The following NF1 variants were observed in gnomAD, a reference collection of about 807,000 sequenced individuals.
The protein encoded by NF1 is neurofibromin.
In NF1, 122 loss-of-function variants were observed where a neutral mutation model predicts 325.7. The observed-to-expected ratio is 0.37, with a 90% CI of 0.32 to 0.44. NF1 has a LOEUF of 0.44. Among genes scored for constraint, NF1 ranks in the 20% least tolerant of loss-of-function variants. The pLI is 1.00. For missense variants in NF1, 2,140 were observed against 3,415.4 expected, an observed-to-expected ratio of 0.63 and a Z score of 9.31; for synonymous variants, 1,091 against 1,186.0, an observed-to-expected ratio of 0.92 and a Z score of 1.65.
chr17:31,152,598 A>G (rs974898906), intron 1 of NF1, among the ~76,000 whole-genome samples: 6 of 128,424 alleles, frequency 4.7e-5, no homozygotes, highest in Admixed American at 4.6e-4. Flanking sequence ...GTGTTAATTT[A>G]CTCTTATGTA....
chr17:31,264,527 G>A (rs940429433), intron 35 of NF1, among the ~76,000 whole-genome samples: 1 of 152,148 alleles, frequency 6.6e-6, no homozygotes, highest in Non-Finnish European at 1.5e-5. Flanking sequence ...AGATGCAGAA[G>A]ATAAAATGAG....
At chr17:31,128,882 C>A (rs535703993) in intron 1 of NF1, among the ~76,000 whole-genome samples, 7 of 151,330 alleles carry the variant, frequency 4.6e-5, no homozygotes, top group Non-Finnish European at 1.0e-4. Flanking sequence ...GCCTAGATCG[C>A]GCCACTGCAC....
chr17:31,314,427 T>C (rs2068969157), intron 36 of NF1: 1 of 157,152 alleles, frequency 6.4e-6, no homozygotes, highest in South Asian at 2.1e-4. Flanking sequence ...TGTATGACCT[T>C]AGGCAAGACT....
intron 1 of NF1, among the ~76,000 whole-genome samples, chr17:31,106,314 G>A (rs1418283099): frequency 1.3e-5 from 2 of 152,142 alleles, no homozygotes; most frequent in African/African-American, 4.8e-5. Context: ...TATATGAAAG[G>A]AAGCTGTAAA....
intron 12 of NF1, among the ~76,000 whole-genome samples, chr17:31,208,081 C>T (rs530925092): frequency 2.6e-4 from 39 of 152,082 alleles, no homozygotes; most frequent in Middle Eastern, 6.8e-3. Flanking sequence ...ACTTCTTAGC[C>T]CTAGTTATAA....
chr17:31,184,340 G>C (rs1006536782), intron 8 of NF1, among the ~76,000 whole-genome samples: 3 of 152,138 alleles, frequency 2.0e-5, no homozygotes, highest in African/African-American at 7.2e-5. Flanking sequence ...CCTAAATTCA[G>C]TGGACAAAGT....
At chr17:31,291,373 T>A (rs752180310) in intron 36 of NF1, among the ~76,000 whole-genome samples, 1 of 152,236 alleles carries the variant, frequency 6.6e-6, no homozygotes, top group Non-Finnish European at 1.5e-5. Context: ...TATTTCATGT[T>A]AATGTTACTT....
chr17:31,283,939 A>G (rs2068174056), intron 36 of NF1, among the ~76,000 whole-genome samples: 1 of 152,220 alleles, frequency 6.6e-6, no homozygotes, highest in Non-Finnish European at 1.5e-5. Context: ...TATATAAGTA[A>G]TCCACATTAC....
At chr17:31,148,197 C>T (rs1398568771) in intron 1 of NF1, among the ~76,000 whole-genome samples, 4 of 152,154 alleles carry the variant, frequency 2.6e-5, no homozygotes, top group Non-Finnish European at 4.4e-5. Flanking sequence ...GTAAATTATT[C>T]TATCCTACAT....
chr17:31,103,479 A>G (rs1912553740), intron 1 of NF1, among the ~76,000 whole-genome samples: 1 of 152,036 alleles, frequency 6.6e-6, no homozygotes, highest in Non-Finnish European at 1.5e-5. Context: ...TCCTGACCTG[A>G]GGTGATCCGC....
intron 36 of NF1, among the ~76,000 whole-genome samples, chr17:31,325,087 AC>A (rs2069308353): frequency 6.6e-6 from 1 of 152,046 alleles, no homozygotes; most frequent in East Asian, 1.9e-4. Context: ...GCAACATATG[AC>A]CTAATATGGC....
At chr17:31,318,501 T>C (rs1295139079) in intron 36 of NF1, 2 of 1,614,070 alleles carry the variant, frequency 1.2e-6, no homozygotes, top group Non-Finnish European at 1.7e-6. Context: ...GCTTGCCTAC[T>C]TGTTTTGATC....
intron 2 of NF1, among the ~76,000 whole-genome samples, chr17:31,157,933 C>G (rs1292938099): frequency 6.6e-6 from 1 of 152,026 alleles, no homozygotes; most frequent in East Asian, 1.9e-4. Context: ...CCACTGCACT[C>G]CAGCCTGGGT....
rs1597657152 is a variant in NF1, at chr17:31,180,710, A to C, written c.587-712A>C. Among the ~76,000 whole-genome samples, 3 of 152,188 alleles carry C rather than the reference A, an allele frequency of 2.0e-5. 1 individual carries two copies. In the East Asian group the frequency reaches 5.8e-4, roughly 29 times the overall value. ...CAAGACAAGGATGCCCTCTCTCACCACTCCTATTCAAACTAATATTGGAAG... is the reference window on the plus strand; with the variant it reads ...CAAGACAAGGATGCCCTCTCTCACCCCTCCTATTCAAACTAATATTGGAAG... On this transcript the variant is annotated intron_variant, in intron 5 of 57. Coordinates refer to ENST00000358273, the MANE Select transcript of NF1 (RefSeq NM_001042492.3).
intron 29 of NF1, among the ~76,000 whole-genome samples, chr17:31,237,708 A>G (rs1190362007): frequency 7.5e-6 from 1 of 134,172 alleles, no homozygotes; most frequent in Non-Finnish European, 1.6e-5. Flanking sequence ...ATTATTACGG[A>G]TTTTATGTTA....
chr17:31,206,757 A>G (rs936110599), intron 12 of NF1, among the ~76,000 whole-genome samples: 9 of 152,290 alleles, frequency 5.9e-5, no homozygotes, highest in South Asian at 4.1e-4. Context: ...GTTGCTGCCA[A>G]TGCACATTTT....
At chr17:31,184,660 TAAAAAAAAAAAATAA>T (rs2066203998) in intron 8 of NF1, among the ~76,000 whole-genome samples, 2 of 138,334 alleles carry the variant, frequency 1.4e-5, no homozygotes, top group Admixed American at 7.1e-5. Flanking sequence ...AAAAAAAAAA[TAAAAAAAAAAAATAA>T]AAAAATAAAA....
chr17:31,139,681 C>G (rs574179968), intron 1 of NF1, among the ~76,000 whole-genome samples: 2 of 152,086 alleles, frequency 1.3e-5, no homozygotes, highest in South Asian at 2.1e-4. Context: ...GAAAATATTG[C>G]GTGGTTGGTT....
chr17:31,124,849 C>T (rs532178764), intron 1 of NF1, among the ~76,000 whole-genome samples: 1 of 151,710 alleles, frequency 6.6e-6, no homozygotes, highest in South Asian at 2.1e-4. Flanking sequence ...GATCTGTCCG[C>T]CTTGGCCTCC....
Sources: allele counts gnomAD v4.1 joint callset (sites outside exome capture counted in the v4.1 genomes callset), GRCh38; gene constraint gnomAD v4.1.1; transcripts MANE v1.5; gene names NCBI Gene and HGNC (gene_info 2026-07-23, HGNC 2026-07-21).